Variants in SVOP observed in about 807,000 individuals in gnomAD.
The protein encoded by SVOP is synaptic vesicle 2-related protein.
In SVOP, 17 loss-of-function variants were observed where a neutral mutation model predicts 69.1. The ratio of observed to expected loss-of-function variants is 0.25; its 90% CI spans 0.17 to 0.37. SVOP has a LOEUF of 0.37. Ranked by LOEUF, SVOP falls within the 10% of genes least tolerant of loss-of-function variation. SVOP has a pLI of 1.00. For synonymous variants in SVOP, 238 were observed against 238.6 expected (o/e 1.00, Z 0.02); for missense variants, 435 against 597.5 (o/e 0.73, Z 2.84).
intron 12 of SVOP, among the ~76,000 whole-genome samples, chr12:108,920,277 T>C (rs79679570): frequency 0.035 from 5,390 of 152,310 alleles, 137 homozygotes; most frequent in Middle Eastern, 0.099. Flanking sequence ...TGTGAGATCA[T>C]AAGTGTGCAT....
intron 1 of SVOP, among the ~76,000 whole-genome samples, chr12:108,993,665 G>C (rs2040215607): frequency 6.6e-6 from 1 of 152,204 alleles, no homozygotes. Context: ...ACTGGGTGCT[G>C]TGAAAGGCTT....
intron 6 of SVOP, among the ~76,000 whole-genome samples, chr12:108,957,329 A>G (rs555260815): frequency 1.4e-4 from 22 of 152,132 alleles, no homozygotes; most frequent in Admixed American, 1.4e-3. Context: ...ACACCCAGCT[A>G]ATTTTTGTAA....
chr12:108,914,512 A>C (rs1593174539), intron 15 of SVOP, among the ~76,000 whole-genome samples: 1 of 152,218 alleles, frequency 6.6e-6, no homozygotes, highest in African/African-American at 2.4e-5. Flanking sequence ...TTCAAAAAGC[A>C]GGAACTGGCA....
At chr12:108,917,267 A>G (rs1179642929) in intron 14 of SVOP, among the ~76,000 whole-genome samples, 1 of 152,254 alleles carries the variant, frequency 6.6e-6, no homozygotes, top group African/African-American at 2.4e-5. Context: ...TCTGGATTAT[A>G]TATTGCACAT....
At chr12:108,938,695 G>T in intron 9 of SVOP, 132 bp downstream of exon 9, 2 of 1,442,198 alleles carry the variant, frequency 1.4e-6, no homozygotes, top group Non-Finnish European at 1.9e-6. Flanking sequence ...TGCTCCATGT[G>T]CACGCACACA....
chr12:109,006,616 C>T (rs903064556), intron 1 of SVOP, among the ~76,000 whole-genome samples: 3 of 152,102 alleles, frequency 2.0e-5, no homozygotes, highest in South Asian at 2.1e-4. Flanking sequence ...GGCTTAGGTT[C>T]GGTTCGTTTG....
chr12:108,955,427 C>T (rs562940662), intron 6 of SVOP, among the ~76,000 whole-genome samples: 26 of 152,292 alleles, frequency 1.7e-4, no homozygotes, highest in South Asian at 4.1e-4. Flanking sequence ...TTTATGGCTG[C>T]GGCTCCATTA....
intron 1 of SVOP, among the ~76,000 whole-genome samples, chr12:109,003,490 A>G (rs574224031): frequency 9.2e-5 from 14 of 152,352 alleles, no homozygotes; most frequent in African/African-American, 2.9e-4. Context: ...ATTGTGAGCA[A>G]TGAGGAAATA....
At chr12:108,976,326 CA>C (rs2040106127) in intron 4 of SVOP, among the ~76,000 whole-genome samples, 1 of 152,038 alleles carries the variant, frequency 6.6e-6, no homozygotes, top group Non-Finnish European at 1.5e-5. Flanking sequence ...CAGTTATCTA[CA>C]AAAAACAACA....
rs535794199 is a variant in SVOP at position 108,908,456 on chromosome 12, A to T, written c.*4079T>A. On this transcript the variant is annotated 3_prime_UTR_variant, in exon 16 of 16. Transcript: ENST00000610966. ...TTGGAGATTTCACAGAAAAACCTAGACTCCTCTTTTGAACATTGTAAGATC... is the reference window on the plus strand; with the variant it reads ...TTGGAGATTTCACAGAAAAACCTAGTCTCCTCTTTTGAACATTGTAAGATC... 13 of 152,028 alleles carry T rather than the reference A, an allele frequency of 8.6e-5. No homozygotes were observed. The South Asian group carries it at 2.7e-3, about 32-fold the overall frequency. 9.4% of individuals were successfully genotyped at this position (152,028 alleles called of 1,614,324 possible). A position where few individuals can be genotyped will look rare whatever the true frequency, so the allele number is the denominator to read the frequency against.
At chr12:109,007,406 A>T (rs7299270) in intron 1 of SVOP, among the ~76,000 whole-genome samples, 56,874 of 152,096 alleles carry the variant, frequency 0.37, 11,382 homozygotes, top group African/African-American at 0.51. Context: ...TTCTTCAAAT[A>T]TTTGAGGCTC....
intron 1 of SVOP, among the ~76,000 whole-genome samples, chr12:108,993,315 C>A (rs568617560): frequency 6.6e-6 from 1 of 151,622 alleles, no homozygotes; most frequent in African/African-American, 2.4e-5. Flanking sequence ...GCTGCAAGAC[C>A]CCATTTCTAA....
At chr12:109,019,953 A>G (rs1349629141) in intron 1 of SVOP, among the ~76,000 whole-genome samples, 1 of 152,220 alleles carries the variant, frequency 6.6e-6, no homozygotes, top group South Asian at 2.1e-4. Flanking sequence ...ACAATCCCAA[A>G]GGGAATCTAC....
intron 14 of SVOP, among the ~76,000 whole-genome samples, chr12:108,916,933 G>C (rs1334097557): frequency 1.3e-5 from 2 of 152,152 alleles, no homozygotes; most frequent in African/African-American, 2.4e-5. Context: ...GTTTTTTAGG[G>C]ATGAGGTTTC....
intron 11 of SVOP, among the ~76,000 whole-genome samples, chr12:108,930,947 G>C (rs2039813667): frequency 6.6e-6 from 1 of 152,118 alleles, no homozygotes; most frequent in South Asian, 2.1e-4. Flanking sequence ...AGAGTTATGT[G>C]GCCTGCAAAT....
At chr12:109,010,171 A>G (rs2040332854) in intron 1 of SVOP, among the ~76,000 whole-genome samples, 1 of 151,944 alleles carries the variant, frequency 6.6e-6, no homozygotes. Context: ...AAATAAGTTA[A>G]TAAATACACC....
At chr12:108,965,464 C>T (rs140885115) in intron 5 of SVOP, among the ~76,000 whole-genome samples, 17 of 152,292 alleles carry the variant, frequency 1.1e-4, no homozygotes, top group Admixed American at 7.2e-4. Flanking sequence ...CTTTCCCTGT[C>T]GTGTCAGCCT....
intron 8 of SVOP, among the ~76,000 whole-genome samples, chr12:108,939,376 C>T (rs2039876269): frequency 1.3e-5 from 2 of 152,172 alleles, no homozygotes; most frequent in South Asian, 4.1e-4. Flanking sequence ...AATCTCACCC[C>T]CATTGTTCAA....
At chr12:108,957,736 C>T (rs1004659549) in intron 6 of SVOP, among the ~76,000 whole-genome samples, 8 of 152,198 alleles carry the variant, frequency 5.3e-5, no homozygotes, top group African/African-American at 1.7e-4. Flanking sequence ...ACCAGGGACT[C>T]GAATCCCTTA....
Sources: gnomAD v4.1 joint callset for allele counts (sites outside exome capture counted in the v4.1 genomes callset) on GRCh38, gnomAD v4.1.1 for gene constraint, MANE v1.5 for transcripts, NCBI Gene and HGNC (gene_info 2026-07-23, HGNC 2026-07-21) for gene names.